Variants in CREBBP observed in about 807,000 individuals in gnomAD.
CREBBP encodes CREB binding lysine acetyltransferase, also known as CREB-binding protein.
In CREBBP, 19 loss-of-function variants were observed where a neutral mutation model predicts 265.0. That is an observed-to-expected ratio of 0.07 (90% CI 0.05 to 0.11). The LOEUF (loss-of-function observed/expected upper bound fraction) is 0.11. Among genes scored for constraint, CREBBP ranks in the 10% least tolerant of loss-of-function variants. The pLI is 1.00. For synonymous variants in CREBBP, 1,457 were observed against 1,223.7 expected, an observed-to-expected ratio of 1.19 and a Z score of -3.98; for missense variants, 2,525 against 3,219.0, an observed-to-expected ratio of 0.78 and a Z score of 5.22.
chr16:3,768,120 T>C (rs1408883229), intron 15 of CREBBP, among the ~76,000 whole-genome samples: 4 of 143,064 alleles, frequency 2.8e-5, no homozygotes, highest in Admixed American at 7.1e-5. Context: ...GCAATTATGG[T>C]CCTAAATTTA....
intron 1 of CREBBP, among the ~76,000 whole-genome samples, chr16:3,863,757 C>T (rs942619034): frequency 6.6e-6 from 1 of 152,174 alleles, no homozygotes; most frequent in African/African-American, 2.4e-5. Context: ...GCCAAGACAA[C>T]GTTAGTTTCC....
Position 3,770,873 on chromosome 16 carries a change from A to G in CREBBP, c.2577T>C (p.Pro859=), listed in dbSNP as rs372665549. ...TQSPLHPTPP[P]ASTAAGMPSL... is the part of the protein sequence containing the mutation. ...ATGGCATGCCAGCAGCCGTGGAAGC[A>G]GGAGGCGGTGTTGGGTGCAGTGGTG... is the stretch of plus-strand genomic sequence containing the variant. The change falls in exon 14 of 31, where the codon CCT becomes CCC. Residue 859 remains proline (P), a synonymous_variant. Coordinates refer to ENST00000262367, the MANE Select transcript of CREBBP (RefSeq NM_004380.3). The G allele has an allele frequency of 1.9e-6, 3 of 1,613,768 alleles. No homozygotes were observed. In the African/African-American group the frequency reaches 4.0e-5, roughly 22 times the overall value.
chr16:3,772,788 G>T lies in CREBBP; in HGVS notation c.2463+963C>A, dbSNP rs9923785. ...ATTTCACATTAAAAACTCAAAACAA[G>T]GCTGGGTACGGTAGCTTACTCCTGT... On this transcript the variant is annotated intron_variant, in intron 13 of 30. Coordinates refer to ENST00000262367, the MANE Select transcript of CREBBP (RefSeq NM_004380.3). 4.7e-3 allele frequency among the ~76,000 whole-genome samples: 709 copies of T among 151,848 alleles called. 9 individuals are homozygous for T. The highest frequency in any genetic ancestry group is 0.016 in the African/African-American group (669 of 41,388).
intron 2 of CREBBP, among the ~76,000 whole-genome samples, chr16:3,850,033 A>G (rs1404947223): frequency 6.6e-6 from 1 of 152,166 alleles, no homozygotes; most frequent in Non-Finnish European, 1.5e-5. Context: ...AACCTCTACC[A>G]GGTTCACGGA....
At chr16:3,871,612 A>G (rs1409224646) in intron 1 of CREBBP, among the ~76,000 whole-genome samples, 2 of 152,242 alleles carry the variant, frequency 1.3e-5, no homozygotes, top group African/African-American at 4.8e-5. Context: ...TCTACATGTT[A>G]TCATACAGAA....
Position 3,770,771 on chromosome 16 carries a change from C to T in CREBBP, c.2679G>A (p.Ser893=), listed in dbSNP as rs587783474. 1.4e-5 allele frequency: 22 copies of T among 1,613,970 alleles called. No individual in the cohort carries two copies. The highest frequency in any genetic ancestry group is 9.9e-5 in the South Asian group (9 of 91,072). Residue 893 remains serine, a synonymous_variant, in exon 14 of 31, where the codon TCG becomes TCA. Coordinates refer to ENST00000262367, the MANE Select transcript of CREBBP (RefSeq NM_004380.3). ...AAPTQPSTPV[S]SSGQTPTPTP... is the part of the protein sequence containing the mutation. Reference sequence around the variant, plus strand: ...TCGGGGTGGGAGTCTGCCCGGAAGACGACACAGGAGTTGATGGCTGAGTGG... The same window carrying T: ...TCGGGGTGGGAGTCTGCCCGGAAGATGACACAGGAGTTGATGGCTGAGTGG...
At chr16:3,782,220 G>A (rs2053287973) in intron 6 of CREBBP, among the ~76,000 whole-genome samples, 2 of 152,198 alleles carry the variant, frequency 1.3e-5, no homozygotes, top group Admixed American at 1.3e-4. Context: ...CCAGCAGCCT[G>A]AGCCAAGAGT....
At chr16:3,852,153 A>ATTTTTTTTTTTTTTTT (rs1279166656) in intron 1 of CREBBP, among the ~76,000 whole-genome samples, 1 of 105,834 alleles carries the variant, frequency 9.4e-6, no homozygotes, top group African/African-American at 3.6e-5. Flanking sequence ...CCAATCTTAA[A>ATTTTTTTTTTTTTTTT]TTTGTTTTTT....
intron 2 of CREBBP, among the ~76,000 whole-genome samples, chr16:3,819,430 T>C (rs1158212305): frequency 6.6e-6 from 1 of 152,204 alleles, no homozygotes; most frequent in Admixed American, 6.5e-5. Context: ...GGAGCAATCA[T>C]TCTACACTAC....
At chr16:3,791,454 G>A (rs2053505224) in intron 5 of CREBBP, among the ~76,000 whole-genome samples, 2 of 152,064 alleles carry the variant, frequency 1.3e-5, no homozygotes, top group African/African-American at 4.8e-5. Flanking sequence ...AGAGTTCTGG[G>A]GACCATAGCT....
intron 1 of CREBBP, among the ~76,000 whole-genome samples, chr16:3,860,088 G>A (rs772504009): frequency 4.6e-5 from 7 of 152,032 alleles, no homozygotes; most frequent in Non-Finnish European, 8.8e-5. Context: ...GTCAGCTGGC[G>A]TCTGCTGCAG....
chr16:3,743,630 T>C (rs1404056282), intron 23 of CREBBP: 1 of 152,206 alleles, frequency 6.6e-6, no homozygotes. Context: ...GTTAGAACAC[T>C]GCTGCAGTTG....
intron 2 of CREBBP, among the ~76,000 whole-genome samples, chr16:3,833,200 G>A (rs1295622582): frequency 6.6e-6 from 1 of 152,222 alleles, no homozygotes; most frequent in African/African-American, 2.4e-5. Context: ...ACCACCTGAG[G>A]TGAGGAGTTC....
chr16:3,816,936 C>T (rs2054047537), intron 2 of CREBBP, among the ~76,000 whole-genome samples: 1 of 152,142 alleles, frequency 6.6e-6, no homozygotes, highest in South Asian at 2.1e-4. Context: ...AAAGTCAAGG[C>T]ACAAAGAGGG....
At chr16:3,802,321 G>A (rs191232157) in intron 3 of CREBBP, among the ~76,000 whole-genome samples, 5 of 151,476 alleles carry the variant, frequency 3.3e-5, no homozygotes, top group Admixed American at 6.6e-5. Context: ...TAGTAGAGAC[G>A]GGGCTTTACC....
chr16:3,846,897 T>C (rs1395481936), intron 2 of CREBBP, among the ~76,000 whole-genome samples: 1 of 152,222 alleles, frequency 6.6e-6, no homozygotes, highest in Non-Finnish European at 1.5e-5. Context: ...ACTCTCTGGT[T>C]CTTACTCTTA....
At chr16:3,836,765 G>A (rs1231061247) in intron 2 of CREBBP, among the ~76,000 whole-genome samples, 3 of 152,214 alleles carry the variant, frequency 2.0e-5, no homozygotes, top group African/African-American at 7.2e-5. Flanking sequence ...TACAAGAACA[G>A]TCATGTGTTG....
intron 2 of CREBBP, among the ~76,000 whole-genome samples, chr16:3,813,552 T>C (rs1160707890): frequency 6.6e-6 from 1 of 152,238 alleles, no homozygotes; most frequent in African/African-American, 2.4e-5. Flanking sequence ...ACATTGTTCT[T>C]AGAAGCCTAG....
chr16:3,863,543 C>T (rs1299435385), intron 1 of CREBBP, among the ~76,000 whole-genome samples: 1 of 152,016 alleles, frequency 6.6e-6, no homozygotes. Context: ...CAGAGGCTAC[C>T]GTGAGCCGAG....
Sources: gnomAD v4.1 joint callset for allele counts (sites outside exome capture counted in the v4.1 genomes callset) on GRCh38, gnomAD v4.1.1 for gene constraint, MANE v1.5 for transcripts, NCBI Gene and HGNC (gene_info 2026-07-23, HGNC 2026-07-21) for gene names.